Variants in NCR3LG1 observed in about 807,000 individuals in gnomAD.
NCR3LG1 encodes the protein natural cytotoxicity triggering receptor 3 ligand 1.
NCR3LG1 carries 35 observed loss-of-function variants against 34.8 expected under a neutral mutation model. The observed-to-expected ratio is 1.01, with a 90% CI of 0.77 to 1.33. The LOEUF (loss-of-function observed/expected upper bound fraction) is 1.33, where lower values mean the gene tolerates loss of function less well. Ranked by LOEUF, NCR3LG1 falls within the 40% of genes most tolerant of loss-of-function variation. The probability of loss-of-function intolerance (pLI) is 0.00; values close to 1 mark genes in which losing one functional copy is unlikely to be tolerated. For missense variants in NCR3LG1, 452 were observed against 423.3 expected (o/e 1.07, Z -0.60); for synonymous variants, 173 against 163.6 (o/e 1.06, Z -0.44).
intron 2 of NCR3LG1, among the ~76,000 whole-genome samples, chr11:17,364,579 T>C (rs1426466247): frequency 6.7e-6 from 1 of 150,346 alleles, no homozygotes; most frequent in Non-Finnish European, 1.5e-5. Flanking sequence ...GGAGTTTTGC[T>C]CTTGTTGCCC....
At position 17,367,110 on chromosome 11, in the gene NCR3LG1, A is replaced by G; in HGVS notation, c.523A>G (p.Ile175Val). The G allele has an allele frequency of 6.5e-7, 1 of 1,536,370 alleles. No homozygotes were observed. Among genetic ancestry groups the G allele is most frequent in the Non-Finnish European group, 8.7e-7 (1 of 1,146,956 alleles). ...TGGGTTCTACCCAGAGGCTATTAAT[A>G]TAACATGGGAGAAGCAGACCCAGAA... ...SSGFYPEAIN[I>V]TWEKQTQKFP... Residue 175 changes from isoleucine to valine, a missense_variant, in exon 3 of 5, where the codon ATA becomes GTA. Ile to Val is a conservative substitution (Grantham distance 29). Coordinates refer to ENST00000338965, the MANE Select transcript of NCR3LG1 (RefSeq NM_001202439.3).
At chr11:17,361,959 A>G (rs1266572233) in intron 2 of NCR3LG1, among the ~76,000 whole-genome samples, 1 of 152,160 alleles carries the variant, frequency 6.6e-6, no homozygotes, top group Non-Finnish European at 1.5e-5. Context: ...TATTTCTTCC[A>G]TTCTAACTTT....
rs1281615227 is a variant in NCR3LG1 at position 17,356,821 on chromosome 11, T to A, written c.241T>A (p.Phe81Ile). The A allele has an allele frequency of 6.5e-7, 1 of 1,536,120 alleles. No individual in the cohort carries two copies. Among genetic ancestry groups the A allele is most frequent in the South Asian group, 1.2e-5 (1 of 84,068 alleles). Residue 81 changes from phenylalanine to isoleucine, a missense_variant, in exon 2 of 5, where the codon TTT becomes ATT. Phe to Ile is a conservative substitution (Grantham distance 21, BLOSUM62 0). Coordinates refer to ENST00000338965, the MANE Select transcript of NCR3LG1 (RefSeq NM_001202439.3). ...TFDKEVKVFEFFGDHQEAFRP... is the reference protein window; with the variant it reads ...TFDKEVKVFEIFGDHQEAFRP... ...TGACAAAGAAGTCAAAGTCTTTGAA[T>A]TTTTTGGAGATCACCAAGAGGCATT...
In NCR3LG1 at chr11:17,372,058, A is replaced by G; in HGVS notation, c.911A>G (p.His304Arg). ...AYTPLKCILK[H>R]WNSFDTQTLK... ...ACTCCTCTCAAGTGCATTCTGAAAC[A>G]CTGGAACTCCTTTGACACTCAGACT... Residue 304 changes from histidine (H) to arginine (R), a missense_variant, in exon 5 of 5, where the codon CAC becomes CGC. Physicochemically the swap from His to Arg is conservative, Grantham distance 29 (BLOSUM62 0). Transcript: ENST00000338965. 1 of 702,824 alleles carries G rather than the reference A, an allele frequency of 1.4e-6. No individual in the cohort carries two copies. The highest frequency in any genetic ancestry group is 2.6e-6 in the Non-Finnish European group (1 of 384,986). The allele number at this position is 702,824 out of a possible 1,614,324, so 43.5% of individuals were successfully genotyped here.
chr11:17,372,462 A>T lies in NCR3LG1; in HGVS notation c.1315A>T (p.Thr439Ser). ...WEPPPATTSTTPVLSSQPPTL... is the reference protein window; with the variant it reads ...WEPPPATTSTSPVLSSQPPTL... ...ACCTCCTCCAGCCACAACATCAACAACTCCAGTTCTATCCTCCCAACCCCC... is the reference window on the plus strand; with the variant it reads ...ACCTCCTCCAGCCACAACATCAACATCTCCAGTTCTATCCTCCCAACCCCC... The change falls in exon 5 of 5, where the codon ACT (threonine) becomes TCT (serine). Residue 439 changes from threonine to serine, a missense_variant. Transcript: ENST00000338965. The T allele has an allele frequency of 1.4e-6, 1 of 702,702 alleles. No homozygotes were observed. Among genetic ancestry groups the T allele is most frequent in the Non-Finnish European group, 2.6e-6 (1 of 384,894 alleles). The allele number at this position is 702,702 out of a possible 1,614,324, so 43.5% of individuals were successfully genotyped here. A position where few individuals can be genotyped will look rare whatever the true frequency, so the allele number is the denominator to read the frequency against.
chr11:17,363,517 TCCCTCCCTCCCTC>T (rs1327521180), intron 2 of NCR3LG1, among the ~76,000 whole-genome samples: 1 of 43,076 alleles, frequency 2.3e-5, no homozygotes, highest in Non-Finnish European at 3.9e-5. Context: ...CCTCCCTCCC[TCCCTCCCTCCCTC>T]CCTCCCTCCC....
At chr11:17,360,534 G>A (rs1199875878) in intron 2 of NCR3LG1, among the ~76,000 whole-genome samples, 1 of 151,868 alleles carries the variant, frequency 6.6e-6, no homozygotes. Flanking sequence ...TTGACATTTA[G>A]GTCTATGATG....
Position 17,376,557 on chromosome 11 carries a change from T to C in NCR3LG1, c.*4045T>C, listed in dbSNP as rs541525047. On this transcript the variant is annotated 3_prime_UTR_variant, in exon 5 of 5. Coordinates refer to ENST00000338965, the MANE Select transcript of NCR3LG1 (RefSeq NM_001202439.3). ...GACTTGGTATTTACTGTCTTAGCAT[T>C]CCCTTTGTTAGCTTTACCTTTAGCC... 1.4e-4 allele frequency: 21 copies of C among 152,324 alleles called. No individual in the cohort carries two copies. The highest frequency in any genetic ancestry group is 5.1e-4 in the African/African-American group (21 of 41,564). 9.4% of individuals were successfully genotyped at this position (152,324 alleles called of 1,614,324 possible).
Position 17,351,881 on chromosome 11 carries a change from A to T in NCR3LG1, c.-89A>T. 1 of 1,028,438 alleles carries T rather than the reference A, an allele frequency of 9.7e-7. No homozygotes were observed. Among genetic ancestry groups the T allele is most frequent in the Non-Finnish European group, 1.4e-6 (1 of 693,034 alleles). The allele number at this position is 1,028,438 out of a possible 1,614,324, so 63.7% of individuals were successfully genotyped here. A position where few individuals can be genotyped will look rare whatever the true frequency, so the allele number is the denominator to read the frequency against. ...CCGGCTGTGTCTCCGTCAACTCTTT[A>T]CGCAACAGAGGTCTCCCCCTGCCCT... On this transcript the variant is annotated 5_prime_UTR_variant, in exon 1 of 5. Coordinates refer to ENST00000338965, the MANE Select transcript of NCR3LG1 (RefSeq NM_001202439.3).
At chr11:17,378,305 A>G (rs186858812), downstream of NCR3LG1, among the ~76,000 whole-genome samples, 46 of 152,290 alleles carry the variant, frequency 3.0e-4, no homozygotes, top group Admixed American at 2.5e-3. Flanking sequence ...TAGAACATTG[A>G]CAGATTAAGA....
At chr11:17,361,582 G>A (rs1410571371) in intron 2 of NCR3LG1, among the ~76,000 whole-genome samples, 1 of 152,072 alleles carries the variant, frequency 6.6e-6, no homozygotes, top group Non-Finnish European at 1.5e-5. Context: ...ACCACACCTG[G>A]CCAATGGTAT....
chr11:17,361,899 C>T (rs1227921964), intron 2 of NCR3LG1, among the ~76,000 whole-genome samples: 1 of 152,188 alleles, frequency 6.6e-6, no homozygotes, highest in Non-Finnish European at 1.5e-5. Flanking sequence ...CCTGCCTTGG[C>T]CTCCCAAAGT....
intron 4 of NCR3LG1, among the ~76,000 whole-genome samples, chr11:17,370,841 T>C (rs1953398239): frequency 6.6e-6 from 1 of 152,238 alleles, no homozygotes; most frequent in Non-Finnish European, 1.5e-5. Context: ...ATTCCTTCTT[T>C]GTATGCAATG....
chr11:17,355,975 T>C (rs1953199726), intron 1 of NCR3LG1, among the ~76,000 whole-genome samples: 1 of 151,824 alleles, frequency 6.6e-6, no homozygotes. Context: ...TTTATTTTTA[T>C]TTTTTTGTAG....
At chr11:17,366,077 A>C (rs140573000) in intron 2 of NCR3LG1, among the ~76,000 whole-genome samples, 1 of 152,176 alleles carries the variant, frequency 6.6e-6, no homozygotes, top group South Asian at 2.1e-4. Flanking sequence ...ATGACCTCTC[A>C]TGTGAGAGGG....
At chr11:17,367,957 T>C (rs1953365314) in intron 3 of NCR3LG1, among the ~76,000 whole-genome samples, 1 of 152,100 alleles carries the variant, frequency 6.6e-6, no homozygotes, top group African/African-American at 2.4e-5. Flanking sequence ...TAGCTGGGAC[T>C]ACAGGCATGC....
At chr11:17,364,435 C>T (rs1010455353) in intron 2 of NCR3LG1, among the ~76,000 whole-genome samples, 2 of 152,172 alleles carry the variant, frequency 1.3e-5, no homozygotes, top group Non-Finnish European at 2.9e-5. Flanking sequence ...CTCAAGCAAT[C>T]TGCCCACCTT....
At chr11:17,366,976 G>A (rs1409834232) in intron 2 of NCR3LG1, 33 bp from the exon 3 acceptor site, 1 of 1,491,682 alleles carries the variant, frequency 6.7e-7, no homozygotes, top group South Asian at 1.3e-5. Flanking sequence ...AGGGTGCTGG[G>A]CCCAACTCTG....
chr11:17,352,220 T>G (rs868385022), intron 1 of NCR3LG1, among the ~76,000 whole-genome samples, 181 bp downstream of exon 1: 1 of 133,170 alleles, frequency 7.5e-6, no homozygotes, highest in Middle Eastern at 4.0e-3. Flanking sequence ...TCGCTCTGTC[T>G]CCCAGGCTGG....
Sources: allele counts gnomAD v4.1 joint callset (sites outside exome capture counted in the v4.1 genomes callset), GRCh38; gene constraint gnomAD v4.1.1; transcripts MANE v1.5; gene names NCBI Gene and HGNC (gene_info 2026-07-23, HGNC 2026-07-21).